CNTN1: variants seen among roughly 807,000 people sequenced by gnomAD.
CNTN1 encodes contactin 1.
In CNTN1, 38 loss-of-function variants were observed where a neutral mutation model predicts 126.4. That is an observed-to-expected ratio of 0.30 (90% CI 0.23 to 0.39). The LOEUF is 0.39. Among genes scored for constraint, CNTN1 ranks in the 10% least tolerant of loss-of-function variants. CNTN1 has a pLI of 1.00. For synonymous variants in CNTN1, 413 were observed against 422.6 expected (o/e 0.98, Z 0.28); for missense variants, 1,009 against 1,248.4 (o/e 0.81, Z 2.89).
chr12:40,969,096 G>GA (rs1421600029), intron 15 of CNTN1, among the ~76,000 whole-genome samples: 2 of 152,056 alleles, frequency 1.3e-5, no homozygotes, highest in Non-Finnish European at 2.9e-5. Flanking sequence ...ATATAACCAA[G>GA]AAAAAACTTA....
intron 1 of CNTN1, among the ~76,000 whole-genome samples, chr12:40,884,734 A>T (rs563657612): frequency 5.3e-5 from 8 of 151,696 alleles, no homozygotes; most frequent in Non-Finnish European, 1.0e-4. Flanking sequence ...CATGTTCTTT[A>T]TTCATTAGTC....
Position 40,929,951 on chromosome 12 carries a change from A to G in CNTN1, c.652A>G (p.Ile218Val), listed in dbSNP as rs752293954. 3.0e-5 allele frequency: 48 copies of G among 1,612,704 alleles called. No individual in the cohort carries two copies. Among genetic ancestry groups the G allele is most frequent in the Non-Finnish European group, 3.8e-5 (45 of 1,179,086 alleles). Reference sequence around the variant, plus strand: ...TTCCTGCTTTGTTTCCAGTCCTTCTATTACAAAGAGCGTGTTCAGCAAATT... The same window carrying G: ...TTCCTGCTTTGTTTCCAGTCCTTCTGTTACAAAGAGCGTGTTCAGCAAATT... Reference protein sequence around the residue: ...NYSCFVSSPSITKSVFSKFIP... With the variant: ...NYSCFVSSPSVTKSVFSKFIP... Residue 218 changes from isoleucine (I) to valine (V), a missense_variant, in exon 7 of 24, where the codon ATT becomes GTT. Transcript: ENST00000551295.
chr12:40,901,045 A>T (rs1260964206), intron 1 of CNTN1, among the ~76,000 whole-genome samples: 1 of 152,200 alleles, frequency 6.6e-6, no homozygotes, highest in Admixed American at 6.5e-5. Context: ...AGGAAGTAAC[A>T]AGCATATCTG....
intron 1 of CNTN1, among the ~76,000 whole-genome samples, chr12:40,842,465 G>T (rs558053396): frequency 6.6e-6 from 1 of 151,982 alleles, no homozygotes; most frequent in Non-Finnish European, 1.5e-5. Flanking sequence ...ATCCTGATTT[G>T]ATCATCACAC....
intron 1 of CNTN1, among the ~76,000 whole-genome samples, chr12:40,835,377 C>T (rs1366595960): frequency 2.0e-5 from 3 of 152,168 alleles, no homozygotes; most frequent in South Asian, 2.1e-4. Flanking sequence ...TTAATAGGAC[C>T]ATTCTGATTG....
intron 17 of CNTN1, among the ~76,000 whole-genome samples, chr12:40,997,564 A>ACTT (rs1275848256): frequency 6.6e-6 from 1 of 152,218 alleles, no homozygotes; most frequent in Admixed American, 6.5e-5. Flanking sequence ...TGTCATTAAT[A>ACTT]CTTAAATAGA....
At chr12:40,839,656 C>T (rs76694664) in intron 1 of CNTN1, among the ~76,000 whole-genome samples, 8 of 152,112 alleles carry the variant, frequency 5.3e-5, no homozygotes, top group Non-Finnish European at 8.8e-5. Context: ...GTCAAAAATG[C>T]TATATCCAGC....
In CNTN1 at chr12:41,044,135, A is replaced by T. The variant is rs1388711701; in HGVS notation, c.2980+14916A>T. Among the ~76,000 whole-genome samples, 4 of 151,714 alleles carry T rather than the reference A, an allele frequency of 2.6e-5. No homozygotes were observed. The East Asian group carries it at 7.7e-4, about 29-fold the overall frequency. On this transcript the variant is annotated intron_variant, in intron 23 of 23. Coordinates refer to ENST00000551295, the MANE Select transcript of CNTN1 (RefSeq NM_001843.4). The stretch of plus-strand genomic sequence containing the variant: ...TGCACATTGTGCACATGTACCCTAA[A>T]ACTTAAAGTATAATAATAATAAAAT...
chr12:40,962,940 C>T (rs1947157411), intron 15 of CNTN1, among the ~76,000 whole-genome samples: 1 of 152,058 alleles, frequency 6.6e-6, no homozygotes, highest in Non-Finnish European at 1.5e-5. Flanking sequence ...GCAAGAGTAA[C>T]ATTTCTTCAA....
chr12:40,900,592 A>G (rs1944569186), intron 1 of CNTN1, among the ~76,000 whole-genome samples: 1 of 152,226 alleles, frequency 6.6e-6, no homozygotes, highest in Non-Finnish European at 1.5e-5. Flanking sequence ...CTAATGGAAA[A>G]TGGAGATAGT....
intron 3 of CNTN1, among the ~76,000 whole-genome samples, chr12:40,915,591 A>T (rs1945199847): frequency 6.6e-6 from 1 of 152,156 alleles, no homozygotes; most frequent in East Asian, 1.9e-4. Flanking sequence ...TTTCTAAAAA[A>T]TCTTTCCAAT....
chr12:40,904,937 T>A (rs1944756099), intron 1 of CNTN1, among the ~76,000 whole-genome samples: 1 of 152,228 alleles, frequency 6.6e-6, no homozygotes, highest in African/African-American at 2.4e-5. Context: ...CTGAATACTT[T>A]CAGTCAACAT....
At chr12:40,775,756 T>G (rs906079372) in intron 1 of CNTN1, among the ~76,000 whole-genome samples, 4 of 151,596 alleles carry the variant, frequency 2.6e-5, no homozygotes, top group African/African-American at 9.7e-5. Context: ...AAGTTTTTTC[T>G]TATAAATTAA....
chr12:40,820,607 G>A (rs1941413100), intron 1 of CNTN1, among the ~76,000 whole-genome samples: 1 of 152,114 alleles, frequency 6.6e-6, no homozygotes, highest in Non-Finnish European at 1.5e-5. Flanking sequence ...GTGGGGTTTG[G>A]GAGGTAGCAT....
chr12:40,939,185 A>G, intron 11 of CNTN1, 150 bp from the exon 12 acceptor site: 5 of 756,824 alleles, frequency 6.6e-6, no homozygotes, highest in East Asian at 2.7e-5. Context: ...AGCATTAGGT[A>G]TAGAATGCCT....
intron 23 of CNTN1, among the ~76,000 whole-genome samples, chr12:41,054,590 G>T (rs531332963): frequency 1.3e-5 from 2 of 152,050 alleles, no homozygotes; most frequent in Admixed American, 6.6e-5. Flanking sequence ...GAACATAGCA[G>T]TTGCTCAATT....
At chr12:40,869,221 A>C (rs894971619) in intron 1 of CNTN1, among the ~76,000 whole-genome samples, 2 of 150,664 alleles carry the variant, frequency 1.3e-5, no homozygotes, top group Admixed American at 1.3e-4. Context: ...ATATGCATTA[A>C]ATATTGAAAA....
chr12:40,916,961 G>T (rs1481760029), intron 3 of CNTN1, among the ~76,000 whole-genome samples: 1 of 144,140 alleles, frequency 6.9e-6, no homozygotes, highest in East Asian at 2.1e-4. Flanking sequence ...TTGAATAAAA[G>T]TTTCAGCAAA....
At chr12:41,010,357 G>A (rs1948615526) in intron 17 of CNTN1, among the ~76,000 whole-genome samples, 1 of 152,154 alleles carries the variant, frequency 6.6e-6, no homozygotes, top group Non-Finnish European at 1.5e-5. Context: ...TGCTGCCTGG[G>A]CACTCTTTCT....
Sources: allele counts gnomAD v4.1 joint callset (sites outside exome capture counted in the v4.1 genomes callset), GRCh38; gene constraint gnomAD v4.1.1; transcripts MANE v1.5; gene names NCBI Gene and HGNC (gene_info 2026-07-23, HGNC 2026-07-21).